Variants in RAP1A observed in about 807,000 individuals in gnomAD.
RAP1A encodes ras-related protein Rap-1A.
A neutral mutation model predicts 26.4 loss-of-function variants in RAP1A; 6 were observed. That is an observed-to-expected ratio of 0.23 (90% confidence interval 0.12 to 0.45). RAP1A has a LOEUF of 0.45. RAP1A is among the 20% of genes least tolerant of loss of function. The pLI, the probability that RAP1A is intolerant of heterozygous loss-of-function variation, is 0.99. For missense variants in RAP1A, 121 were observed against 217.2 expected (o/e 0.56, Z 2.78); for synonymous variants, 73 against 79.4 (o/e 0.92, Z 0.43).
chr1:111,654,821 T>G lies in RAP1A; in HGVS notation c.-28+34887T>G, dbSNP rs1216034859. ...ATCTAGTTGCCTTTACCATATTTTATTATATGTTTATTTACTTATTGGACA... is the reference window on the plus strand; with the variant it reads ...ATCTAGTTGCCTTTACCATATTTTAGTATATGTTTATTTACTTATTGGACA... On this transcript the variant is annotated intron_variant, in intron 1 of 7. Transcript: ENST00000369709. 4.0e-5 allele frequency among the ~76,000 whole-genome samples: 6 copies of G among 150,564 alleles called. No individual in the cohort carries two copies. The Admixed American group carries it at 4.0e-4, about 10-fold the overall frequency.
chr1:111,666,234 A>G (rs2101169398), intron 1 of RAP1A, among the ~76,000 whole-genome samples: 1 of 152,324 alleles, frequency 6.6e-6, no homozygotes, highest in East Asian at 1.9e-4. Context: ...GAATTTCACA[A>G]AAATGTTTAC....
intron 4 of RAP1A, among the ~76,000 whole-genome samples, chr1:111,700,939 A>G (rs1484719316): frequency 6.6e-6 from 1 of 152,146 alleles, no homozygotes; most frequent in African/African-American, 2.4e-5. Context: ...TGGTCTAAAC[A>G]GTTGTCATCT....
chr1:111,634,566 T>C (rs1196015001), intron 1 of RAP1A, among the ~76,000 whole-genome samples: 1 of 150,396 alleles, frequency 6.6e-6, no homozygotes, highest in East Asian at 1.9e-4. Context: ...ATATATTTTA[T>C]TTCCCTTGTT....
At chr1:111,585,980 A>G (rs1351990535) in intron 1 of RAP1A, among the ~76,000 whole-genome samples, 2 of 152,200 alleles carry the variant, frequency 1.3e-5, no homozygotes, top group African/African-American at 4.8e-5. Flanking sequence ...GGTTGATTTT[A>G]GACAGTTCAT....
At chr1:111,699,479 T>TTTTTTTTTTTTTTTTTG in intron 4 of RAP1A, among the ~76,000 whole-genome samples, 1 of 139,024 alleles carries the variant, frequency 7.2e-6, no homozygotes, top group Non-Finnish European at 1.6e-5. Flanking sequence ...TTTTTTTTTT[T>TTTTTTTTTTTTTTTTTG]GAAACAGGGT....
chr1:111,579,852 C>T (rs1407999408), intron 1 of RAP1A, among the ~76,000 whole-genome samples: 1 of 152,080 alleles, frequency 6.6e-6, no homozygotes, highest in Non-Finnish European at 1.5e-5. Context: ...CTCTGTCGCC[C>T]AGGCTGGAGT....
chr1:111,546,318 T>G (rs1657032386), intron 1 of RAP1A, among the ~76,000 whole-genome samples: 1 of 152,186 alleles, frequency 6.6e-6, no homozygotes, highest in Non-Finnish European at 1.5e-5. Context: ...TCAGTGGCAT[T>G]AAGTACATTT....
intron 1 of RAP1A, among the ~76,000 whole-genome samples, chr1:111,567,802 T>C (rs1038473519): frequency 2.6e-5 from 4 of 152,238 alleles, no homozygotes; most frequent in African/African-American, 9.6e-5. Context: ...AGTGACTCTC[T>C]GTAAGCCAGG....
At chr1:111,576,892 C>T (rs1221330648) in intron 1 of RAP1A, among the ~76,000 whole-genome samples, 2 of 152,172 alleles carry the variant, frequency 1.3e-5, no homozygotes, top group Non-Finnish European at 2.9e-5. Context: ...CTAAGATGAA[C>T]ATCTTTATAC....
chr1:111,696,894 G>C (rs1029934149), intron 3 of RAP1A, among the ~76,000 whole-genome samples: 11 of 152,056 alleles, frequency 7.2e-5, no homozygotes, highest in Admixed American at 6.6e-4. Context: ...TTAGCTCATT[G>C]CTGTTTATTT....
intron 1 of RAP1A, among the ~76,000 whole-genome samples, chr1:111,657,014 G>A (rs1348017890): frequency 1.4e-5 from 2 of 144,176 alleles, no homozygotes; most frequent in African/African-American, 2.6e-5. Context: ...CCCCTTCTCC[G>A]CCCCCAACAA....
chr1:111,583,561 G>T (rs544270942), intron 1 of RAP1A, among the ~76,000 whole-genome samples: 1 of 151,388 alleles, frequency 6.6e-6, no homozygotes, highest in African/African-American at 2.4e-5. Context: ...TTTAAAATAC[G>T]CAGTCATAGT....
chr1:111,554,910 C>T (rs528575998), intron 1 of RAP1A, among the ~76,000 whole-genome samples: 1 of 151,468 alleles, frequency 6.6e-6, no homozygotes, highest in East Asian at 1.9e-4. Flanking sequence ...AACAAAATTC[C>T]CTGAGTAAGG....
chr1:111,556,960 A>G (rs1189177500), intron 1 of RAP1A, among the ~76,000 whole-genome samples: 2 of 152,098 alleles, frequency 1.3e-5, no homozygotes, highest in African/African-American at 4.8e-5. Flanking sequence ...GGGAAAAATA[A>G]TGGTTGAGAA....
chr1:111,611,648 C>A (rs549417139), intron 1 of RAP1A, among the ~76,000 whole-genome samples: 1 of 152,118 alleles, frequency 6.6e-6, no homozygotes, highest in Non-Finnish European at 1.5e-5. Flanking sequence ...CCTAATTTTA[C>A]GCACAAGGGA....
At chr1:111,550,418 A>G (rs776266377) in intron 1 of RAP1A, among the ~76,000 whole-genome samples, 1 of 151,964 alleles carries the variant, frequency 6.6e-6, no homozygotes, top group African/African-American at 2.4e-5. Context: ...ATGGAAGATC[A>G]TGTTGTTGAT....
At chr1:111,664,519 T>C (rs2101165820) in intron 1 of RAP1A, among the ~76,000 whole-genome samples, 1 of 152,224 alleles carries the variant, frequency 6.6e-6, no homozygotes, top group East Asian at 1.9e-4. Context: ...ACAGAGTCTC[T>C]TGAGTCTCTG....
intron 4 of RAP1A, among the ~76,000 whole-genome samples, chr1:111,697,821 C>T (rs1661883362): frequency 6.6e-6 from 1 of 151,896 alleles, no homozygotes; most frequent in South Asian, 2.1e-4. Context: ...TAAATAAGAC[C>T]TTGTCTCTTG....
At chr1:111,594,362 C>T (rs761743165) in intron 1 of RAP1A, among the ~76,000 whole-genome samples, 6 of 152,108 alleles carry the variant, frequency 3.9e-5, no homozygotes, top group Non-Finnish European at 5.9e-5. Flanking sequence ...AGCCTGTAGT[C>T]CCAGCTACTT....
Sources: gnomAD v4.1 joint callset for allele counts (sites outside exome capture counted in the v4.1 genomes callset) on GRCh38, gnomAD v4.1.1 for gene constraint, MANE v1.5 for transcripts, NCBI Gene and HGNC (gene_info 2026-07-23, HGNC 2026-07-21) for gene names.